Variants in ZC3H7A observed in about 807,000 individuals in gnomAD.
ZC3H7A encodes zinc finger CCCH domain-containing protein 7A.
Under a neutral mutation model 125.5 loss-of-function variants are expected in ZC3H7A, and 44 were observed. That is an observed-to-expected ratio of 0.35 (90% CI 0.28 to 0.45). ZC3H7A has a LOEUF of 0.45. ZC3H7A is among the 20% of genes least tolerant of loss of function. ZC3H7A has a pLI of 1.00. For missense variants in ZC3H7A, 977 were observed against 1,170.7 expected, an observed-to-expected ratio of 0.83 and a Z score of 2.41; for synonymous variants, 399 against 391.2, an observed-to-expected ratio of 1.02 and a Z score of -0.23.
intron 1 of ZC3H7A, among the ~76,000 whole-genome samples, chr16:11,785,459 T>A (rs796322670): frequency 6.6e-6 from 1 of 152,038 alleles, no homozygotes; most frequent in Admixed American, 6.6e-5. Flanking sequence ...TGAGCTACGA[T>A]TGTGCCACTG....
At chr16:11,790,832 C>T (rs533915143) in intron 1 of ZC3H7A, among the ~76,000 whole-genome samples, 36 of 151,770 alleles carry the variant, frequency 2.4e-4, no homozygotes, top group South Asian at 1.7e-3. Flanking sequence ...GCCAAGATTG[C>T]GCCACTGCAC....
Position 11,756,292 on chromosome 16 carries a change from G to A in ZC3H7A, c.2507C>T (p.Ser836Leu). The A allele has an allele frequency of 6.2e-7, 1 of 1,614,030 alleles. No individual in the cohort carries two copies. The highest frequency in any genetic ancestry group is 1.1e-5 in the South Asian group (1 of 91,066). ...NEKSEDIASQ[S>L]NKENGKQIHM... ...AATTTGTTTTCCATTTTCCTTGTTTGACTGACTGGCTATGTCTTCACTTTT... is the reference window on the plus strand; with the variant it reads ...AATTTGTTTTCCATTTTCCTTGTTTAACTGACTGGCTATGTCTTCACTTTT... Residue 836 changes from serine to leucine, a missense_variant, in exon 21 of 23, where the codon TCA (serine) becomes TTA (leucine). Transcript: ENST00000355758.
chr16:11,782,601 CTTTTTTTTTTT>C (rs896160381), intron 1 of ZC3H7A: 4 of 130,598 alleles, frequency 3.1e-5, no homozygotes, highest in Non-Finnish European at 4.4e-5. Flanking sequence ...TTTTCATATT[CTTTTTTTTTTT>C]TTTTTTTTTT....
At chr16:11,761,192 T>C (rs1285126254) in intron 19 of ZC3H7A, among the ~76,000 whole-genome samples, 1 of 152,196 alleles carries the variant, frequency 6.6e-6, no homozygotes, top group Non-Finnish European at 1.5e-5. Flanking sequence ...TATTTACTTT[T>C]TCCAAGTAAC....
chr16:11,776,425 C>T (rs373199023), intron 6 of ZC3H7A, 27 bp downstream of exon 6: 39 of 1,600,084 alleles, frequency 2.4e-5, no homozygotes, highest in Middle Eastern at 1.7e-4. Flanking sequence ...AAAATGAAAA[C>T]ACCTTATGCA....
chr16:11,770,154 ATTTC>A (rs1254613998), intron 10 of ZC3H7A, among the ~76,000 whole-genome samples: 5 of 151,894 alleles, frequency 3.3e-5, no homozygotes, highest in Non-Finnish European at 7.4e-5. Context: ...ATATATTTTA[ATTTC>A]TTTAAGTCAA....
chr16:11,779,140 A>G, intron 4 of ZC3H7A, 26 bp downstream of exon 4: 1 of 1,543,332 alleles, frequency 6.5e-7, no homozygotes, highest in Non-Finnish European at 8.8e-7. Context: ...CACTCTAGAA[A>G]CATCATTTTA....
chr16:11,757,562 C>G (rs2052673684), intron 20 of ZC3H7A, among the ~76,000 whole-genome samples: 1 of 151,338 alleles, frequency 6.6e-6, no homozygotes. Context: ...TAATGAGGAC[C>G]TGGTTAAAAC....
chr16:11,771,088 G>A (rs1481106839), intron 9 of ZC3H7A, 101 bp from the exon 10 acceptor site: 6 of 1,169,926 alleles, frequency 5.1e-6, no homozygotes, highest in Non-Finnish European at 7.2e-6. Flanking sequence ...TACACTGGGA[G>A]ATCACGTTAC....
rs2053188083 is a variant in ZC3H7A at position 11,782,466 on chromosome 16, C to T, written c.-34-78G>A. ...CAATGAAAACACCCACAAATCCAGA[C>T]CTTGTCACACAATCAGCTGTGGACA... On this transcript the variant is annotated intron_variant, in intron 1 of 22. Transcript: ENST00000355758. The T allele has an allele frequency of 5.9e-6, 7 of 1,179,170 alleles. 1 individual carries two copies. In the South Asian group the frequency reaches 8.7e-5, roughly 15 times the overall value. The allele number at this position is 1,179,170 out of a possible 1,614,324, so 73.0% of individuals were successfully genotyped here.
At chr16:11,763,795 A>G (rs1335367732) in intron 15 of ZC3H7A, 136 bp from the exon 16 acceptor site, 5 of 246,836 alleles carry the variant, frequency 2.0e-5, no homozygotes, top group Non-Finnish European at 3.0e-5. Flanking sequence ...AATACATTTA[A>G]AATTTTTTTT....
chr16:11,759,830 G>T (rs768243867), intron 19 of ZC3H7A: 1 of 152,240 alleles, frequency 6.6e-6, no homozygotes, highest in South Asian at 2.1e-4. Flanking sequence ...AAAAGGTCCC[G>T]GGCCGGGCAC....
intron 20 of ZC3H7A, 141 bp from the exon 21 acceptor site, chr16:11,756,511 G>T: frequency 9.4e-7 from 1 of 1,068,536 alleles, no homozygotes; most frequent in Non-Finnish European, 1.3e-6. Flanking sequence ...ATTAGACATG[G>T]AGAGATCACC....
chr16:11,758,584 T>C, intron 19 of ZC3H7A, 45 bp from the exon 20 acceptor site: 1 of 1,366,838 alleles, frequency 7.3e-7, no homozygotes, highest in South Asian at 1.2e-5. Context: ...GTACACCTAG[T>C]AAAACGGCCT....
intron 19 of ZC3H7A, among the ~76,000 whole-genome samples, chr16:11,760,304 A>G (rs1470657732): frequency 1.3e-5 from 2 of 152,122 alleles, no homozygotes; most frequent in Admixed American, 1.3e-4. Flanking sequence ...AGTTGTACTC[A>G]TTTTATCAAA....
intron 1 of ZC3H7A, among the ~76,000 whole-genome samples, chr16:11,786,235 T>C (rs1293263294): frequency 6.6e-6 from 1 of 152,166 alleles, no homozygotes; most frequent in East Asian, 1.9e-4. Flanking sequence ...GCAATTTACT[T>C]AGAGTTCGAA....
chr16:11,756,133 A>G, intron 21 of ZC3H7A, 104 bp downstream of exon 21: 1 of 1,492,708 alleles, frequency 6.7e-7, no homozygotes, highest in Non-Finnish European at 9.0e-7. Flanking sequence ...ACTGCACTCC[A>G]GCCTGGTGAC....
intron 1 of ZC3H7A, among the ~76,000 whole-genome samples, chr16:11,795,795 CA>C (rs1266442356): frequency 6.6e-6 from 1 of 152,100 alleles, no homozygotes; most frequent in Non-Finnish European, 1.5e-5. Context: ...AAAAGAAAAG[CA>C]GTGAGATTAA....
intron 5 of ZC3H7A, 82 bp downstream of exon 5, chr16:11,776,669 A>T: frequency 6.6e-7 from 1 of 1,524,394 alleles, no homozygotes; most frequent in Non-Finnish European, 8.8e-7. Flanking sequence ...TTGATGGATG[A>T]CTGGAAAATT....
Sources: allele counts gnomAD v4.1 joint callset (sites outside exome capture counted in the v4.1 genomes callset), GRCh38; gene constraint gnomAD v4.1.1; transcripts MANE v1.5; gene names NCBI Gene and HGNC (gene_info 2026-07-23, HGNC 2026-07-21).